PTK7: variants seen among roughly 807,000 people sequenced by gnomAD.
PTK7 encodes the protein protein tyrosine kinase 7 (inactive).
In PTK7, 39 loss-of-function variants were observed where a neutral mutation model predicts 116.6. That is an observed-to-expected ratio of 0.33 (90% CI 0.26 to 0.44). The LOEUF (loss-of-function observed/expected upper bound fraction) is 0.44, where lower values mean the gene tolerates loss of function less well. Ranked by LOEUF, PTK7 falls within the 20% of genes least tolerant of loss-of-function variation. The probability of loss-of-function intolerance (pLI) is 1.00; values close to 1 mark genes in which losing one functional copy is unlikely to be tolerated. For synonymous variants in PTK7, 546 were observed against 563.6 expected, an observed-to-expected ratio of 0.97 and a Z score of 0.44; for missense variants, 1,169 against 1,425.6, an observed-to-expected ratio of 0.82 and a Z score of 2.90.
intron 7 of PTK7, 100 bp downstream of exon 7, chr6:43,132,787 A>G (rs2150434873): frequency 1.3e-6 from 2 of 1,498,582 alleles, no homozygotes; most frequent in South Asian, 2.4e-5. Context: ...AGGTCCTCTC[A>G]GTTCTGGGCC....
intron 10 of PTK7, among the ~76,000 whole-genome samples, chr6:43,140,321 C>T (rs1397683456): frequency 6.6e-6 from 1 of 151,852 alleles, no homozygotes; most frequent in Non-Finnish European, 1.5e-5. Flanking sequence ...GGGGTGGCGG[C>T]ACGCATCTGT....
chr6:43,128,252 A>C (rs1769418334), intron 1 of PTK7, among the ~76,000 whole-genome samples: 1 of 152,132 alleles, frequency 6.6e-6, no homozygotes, highest in African/African-American at 2.4e-5. Flanking sequence ...CCTGGCATCA[A>C]AACCTCCTGT....
Position 43,139,563 on chromosome 6 carries a change from C to T in PTK7, c.1618+38C>T. The stretch of plus-strand genomic sequence containing the variant: ...CCGGCATAGGGTAGGGGCAGGCAGG[C>T]AGTTCACTGATCAGATACATACCTG... On this transcript the variant is annotated intron_variant, in intron 10 of 19. Transcript: ENST00000230419. This position sits in a 1 kb window ranked among gnomAD's most constrained non-coding sequence, Gnocchi z 4.6. The T allele has an allele frequency of 6.2e-7, 1 of 1,611,384 alleles. No homozygotes were observed. Among genetic ancestry groups the T allele is most frequent in the Non-Finnish European group, 8.5e-7 (1 of 1,179,164 alleles).
intron 1 of PTK7, among the ~76,000 whole-genome samples, chr6:43,110,653 A>G (rs4714665): frequency 0.46 from 69,683 of 150,520 alleles, 16,694 homozygotes; most frequent in African/African-American, 0.61. Context: ...CAGGTGATCC[A>G]CCCGCCTCGG....
At chr6:43,116,412 A>G (rs529497730) in intron 1 of PTK7, among the ~76,000 whole-genome samples, 98 of 152,044 alleles carry the variant, frequency 6.4e-4, no homozygotes, top group Non-Finnish European at 1.2e-3. Flanking sequence ...TGCTTTCCAC[A>G]TCACAACATA....
intron 1 of PTK7, among the ~76,000 whole-genome samples, chr6:43,104,492 C>T (rs1767752456): frequency 6.6e-6 from 1 of 150,480 alleles, no homozygotes; most frequent in Non-Finnish European, 1.5e-5. Flanking sequence ...CCCATTGTAA[C>T]CTCTGCCCCC....
At chr6:43,121,185 T>C (rs539463359) in intron 1 of PTK7, among the ~76,000 whole-genome samples, 1 of 152,190 alleles carries the variant, frequency 6.6e-6, no homozygotes, top group East Asian at 1.9e-4. Flanking sequence ...CTGGCATTCT[T>C]GTCTCTCCAT....
intron 1 of PTK7, among the ~76,000 whole-genome samples, chr6:43,116,646 G>A (rs1768551178): frequency 2.0e-5 from 2 of 100,022 alleles, no homozygotes; most frequent in South Asian, 3.2e-4. Flanking sequence ...GTGTGTGTGT[G>A]TGTGTGCGCG....
intron 17 of PTK7, among the ~76,000 whole-genome samples, chr6:43,156,228 CAAAAAAAAAA>C (rs5875828): frequency 4.2e-5 from 2 of 47,278 alleles, no homozygotes; most frequent in Non-Finnish European, 7.5e-5. Flanking sequence ...TACCCTGTCT[CAAAAAAAAAA>C]AAAAAAAAAA....
intron 1 of PTK7, among the ~76,000 whole-genome samples, chr6:43,102,694 A>C (rs1767654998): frequency 6.6e-6 from 1 of 152,182 alleles, no homozygotes; most frequent in African/African-American, 2.4e-5. Flanking sequence ...ATTAACATCC[A>C]TTTCTGATTA....
intron 17 of PTK7, among the ~76,000 whole-genome samples, chr6:43,148,414 G>A (rs190555467): frequency 5.6e-4 from 85 of 152,364 alleles, no homozygotes; most frequent in African/African-American, 1.9e-3. Context: ...CCCATGTCCT[G>A]TAGGTGGACA....
At chr6:43,157,350 ATATATATATATAT>A (rs1771520032) in intron 17 of PTK7, among the ~76,000 whole-genome samples, 1 of 5,456 alleles carries the variant, frequency 1.8e-4, no homozygotes, top group African/African-American at 4.2e-4. Context: ...ATATATATAT[ATATATATATATAT>A]ATTTTTTTTT....
chr6:43,081,703 C>T (rs146463117), intron 1 of PTK7, among the ~76,000 whole-genome samples: 3,341 of 152,306 alleles, frequency 0.022, 56 homozygotes, highest in Non-Finnish European at 0.034. Flanking sequence ...CTGCACCCAG[C>T]CGATATAACA....
At chr6:43,092,537 G>T (rs1767006070) in intron 1 of PTK7, among the ~76,000 whole-genome samples, 1 of 152,134 alleles carries the variant, frequency 6.6e-6, no homozygotes, top group Admixed American at 6.5e-5. Context: ...TACTACCTGA[G>T]GTTTTAGGCA....
rs920179223 is a variant in PTK7, at chr6:43,139,975, G to A, written c.1618+450G>A. 5.3e-5 allele frequency among the ~76,000 whole-genome samples: 8 copies of A among 152,142 alleles called. No homozygotes were observed. Among genetic ancestry groups the A allele is most frequent in the East Asian group, 1.9e-4 (1 of 5,188 alleles). On this transcript the variant is annotated intron_variant, in intron 10 of 19. Transcript: ENST00000230419. This position sits in a 1 kb window ranked among gnomAD's most constrained non-coding sequence, Gnocchi z 4.6. ...CTAAAAATGCAAAAGTTAGCCAGGCGTGGTGGCACATGCTTGCAATCCCAG... is the reference window on the plus strand; with the variant it reads ...CTAAAAATGCAAAAGTTAGCCAGGCATGGTGGCACATGCTTGCAATCCCAG...
intron 1 of PTK7, among the ~76,000 whole-genome samples, chr6:43,101,088 C>T (rs573032277): frequency 4.6e-5 from 7 of 151,900 alleles, no homozygotes; most frequent in South Asian, 2.1e-4. Context: ...CAAAATTAGC[C>T]GGGCATGGTG....
chr6:43,082,232 G>A (rs1766419756), intron 1 of PTK7, among the ~76,000 whole-genome samples: 1 of 152,124 alleles, frequency 6.6e-6, no homozygotes, highest in African/African-American at 2.4e-5. Flanking sequence ...CTGAAGTGCA[G>A]TGGCACGATC....
intron 1 of PTK7, among the ~76,000 whole-genome samples, chr6:43,093,350 C>T (rs142653627): frequency 2.6e-5 from 4 of 152,122 alleles, no homozygotes; most frequent in East Asian, 3.9e-4. Context: ...CGACCACGCC[C>T]GGCTAATTCA....
chr6:43,090,286 C>G (rs1014089346), intron 1 of PTK7, among the ~76,000 whole-genome samples: 1 of 152,246 alleles, frequency 6.6e-6, no homozygotes, highest in African/African-American at 2.4e-5. Context: ...CCCAATAGCC[C>G]CACCAGTGAG....
Sources: allele counts gnomAD v4.1 joint callset (sites outside exome capture counted in the v4.1 genomes callset), GRCh38; gene constraint gnomAD v4.1.1; non-coding constraint Gnocchi (gnomAD v3.1); transcripts MANE v1.5; gene names NCBI Gene and HGNC (gene_info 2026-07-23, HGNC 2026-07-21).